PLCB1: variants seen among roughly 807,000 people sequenced by gnomAD.
The protein encoded by PLCB1 is phospholipase C beta 1.
A neutral mutation model predicts 161.8 loss-of-function variants in PLCB1; 46 were observed. The ratio of observed to expected loss-of-function variants is 0.28; its 90% confidence interval spans 0.22 to 0.36. The LOEUF is 0.36. PLCB1 is among the 10% of genes least tolerant of loss of function. The pLI, the probability that PLCB1 is intolerant of heterozygous loss-of-function variation, is 1.00. For missense variants in PLCB1, 1,016 were observed against 1,472.5 expected (o/e 0.69, Z 5.07); for synonymous variants, 517 against 503.7 (o/e 1.03, Z -0.35).
At chr20:8,398,896 C>T (rs1208959103) in intron 3 of PLCB1, among the ~76,000 whole-genome samples, 2 of 150,918 alleles carry the variant, frequency 1.3e-5, no homozygotes, top group African/African-American at 4.9e-5. Context: ...TTTATTTTTT[C>T]CCTTTTGATT....
intron 31 of PLCB1, among the ~76,000 whole-genome samples, chr20:8,823,730 C>T (rs1369283152): frequency 6.6e-6 from 1 of 152,106 alleles, no homozygotes; most frequent in Non-Finnish European, 1.5e-5. Context: ...ATTTATATCC[C>T]TTTGATTTAT....
chr20:8,193,618 A>G (rs1032569441), intron 2 of PLCB1, among the ~76,000 whole-genome samples: 7 of 151,966 alleles, frequency 4.6e-5, no homozygotes, highest in African/African-American at 1.7e-4. Context: ...GAAAGTCTTC[A>G]CTCTGTAAAA....
intron 2 of PLCB1, among the ~76,000 whole-genome samples, chr20:8,217,409 A>G (rs2123156428): frequency 6.6e-6 from 1 of 152,196 alleles, no homozygotes; most frequent in African/African-American, 2.4e-5. Flanking sequence ...GAAAGAAAAG[A>G]GATGAGATGG....
At chr20:8,602,290 G>A in intron 3 of PLCB1, among the ~76,000 whole-genome samples, 1 of 151,784 alleles carries the variant, frequency 6.6e-6, no homozygotes, top group East Asian at 1.9e-4. Context: ...ACCTTAAACT[G>A]CCTTAATTTA....
intron 3 of PLCB1, among the ~76,000 whole-genome samples, chr20:8,553,877 C>A (rs561821480): frequency 9.2e-5 from 14 of 151,964 alleles, no homozygotes; most frequent in Non-Finnish European, 1.3e-4. Context: ...TGGTACATGC[C>A]TGTAGTCCCA....
chr20:8,535,998 T>C (rs983096863), intron 3 of PLCB1, among the ~76,000 whole-genome samples: 2 of 151,854 alleles, frequency 1.3e-5, no homozygotes, highest in African/African-American at 4.8e-5. Flanking sequence ...AATATTTTTC[T>C]TTTTCCCTCC....
At chr20:8,849,657 C>T (rs940277272) in intron 31 of PLCB1, among the ~76,000 whole-genome samples, 4 of 142,316 alleles carry the variant, frequency 2.8e-5, no homozygotes, top group Admixed American at 1.4e-4. Flanking sequence ...GCCTGGGTGA[C>T]AGAACAAGAC....
rs900245503 is a variant in PLCB1, at chr20:8,643,159, G to T, written c.385-2943G>T. 3.3e-5 allele frequency among the ~76,000 whole-genome samples: 5 copies of T among 152,146 alleles called. 1 individual carries two copies. The Middle Eastern group carries it at 0.014, about 414-fold the overall frequency. ...TCAAGGTCTCAGTATTTCTCACCTG[G>T]ACTACTGGACTATTACAGCTTCCTA... On this transcript the variant is annotated intron_variant, in intron 4 of 31. Transcript: ENST00000338037.
At chr20:8,502,695 T>C (rs140288338) in intron 3 of PLCB1, among the ~76,000 whole-genome samples, 2,161 of 152,256 alleles carry the variant, frequency 0.014, 32 homozygotes, top group Admixed American at 0.027. Flanking sequence ...GTTCAAACTC[T>C]TGAAGAAAAT....
At chr20:8,811,229 A>T (rs573903667) in intron 31 of PLCB1, among the ~76,000 whole-genome samples, 2 of 152,274 alleles carry the variant, frequency 1.3e-5, no homozygotes, top group East Asian at 1.9e-4. Flanking sequence ...GGGGAAGGGA[A>T]CCAGGTAAGA....
intron 3 of PLCB1, among the ~76,000 whole-genome samples, chr20:8,549,863 C>A (rs1985710229): frequency 6.6e-6 from 1 of 152,184 alleles, no homozygotes; most frequent in South Asian, 2.1e-4. Flanking sequence ...TGAGCCACCA[C>A]ACCCGCGGAG....
At chr20:8,589,610 CTTTTTT>C (rs71183102) in intron 3 of PLCB1, among the ~76,000 whole-genome samples, 11 of 80,128 alleles carry the variant, frequency 1.4e-4, no homozygotes, top group African/African-American at 5.6e-4. Flanking sequence ...CAATCTCTCT[CTTTTTT>C]TTTTTTTTTT....
intron 3 of PLCB1, among the ~76,000 whole-genome samples, chr20:8,602,805 A>C (rs1987632020): frequency 6.6e-6 from 1 of 152,246 alleles, no homozygotes; most frequent in Admixed American, 6.5e-5. Flanking sequence ...AACTGAAAGC[A>C]TAGTTAAAAG....
chr20:8,622,602 T>C (rs188147893), intron 3 of PLCB1, among the ~76,000 whole-genome samples: 129 of 152,334 alleles, frequency 8.5e-4, no homozygotes, highest in South Asian at 7.7e-3. Flanking sequence ...TTCTTCATTC[T>C]GTCTCCAAAT....
chr20:8,549,562 T>C (rs1241711752), intron 3 of PLCB1, among the ~76,000 whole-genome samples: 1 of 152,186 alleles, frequency 6.6e-6, no homozygotes, highest in African/African-American at 2.4e-5. Flanking sequence ...CATGTTGTTC[T>C]CGTGATAGCG....
At chr20:8,663,348 T>C (rs962399170) in intron 9 of PLCB1, among the ~76,000 whole-genome samples, 6 of 152,114 alleles carry the variant, frequency 3.9e-5, no homozygotes, top group African/African-American at 1.4e-4. Context: ...GTTTAGCTTT[T>C]ATGTACATTT....
chr20:8,276,986 C>CTTCTTA (rs869194352), intron 2 of PLCB1, among the ~76,000 whole-genome samples: 1,098 of 93,222 alleles, frequency 0.012, 11 homozygotes, highest in Middle Eastern at 0.035. Context: ...TCTTCTTCTT[C>CTTCTTA]TTATTATTAT....
chr20:8,639,746 G>T (rs1362443740), intron 4 of PLCB1, among the ~76,000 whole-genome samples: 3 of 152,128 alleles, frequency 2.0e-5, no homozygotes, highest in African/African-American at 7.2e-5. Context: ...TTTGGCAGAA[G>T]GTCCCAGCTA....
intron 3 of PLCB1, among the ~76,000 whole-genome samples, chr20:8,580,696 C>T (rs1049899788): frequency 6.6e-6 from 1 of 152,164 alleles, no homozygotes; most frequent in Non-Finnish European, 1.5e-5. Flanking sequence ...CAGTCAAATG[C>T]CATTTATGCT....
Sources: gnomAD v4.1 joint callset for allele counts (sites outside exome capture counted in the v4.1 genomes callset) on GRCh38, gnomAD v4.1.1 for gene constraint, MANE v1.5 for transcripts, NCBI Gene and HGNC (gene_info 2026-07-23, HGNC 2026-07-21) for gene names.